The following SHISA9 variants were observed in gnomAD, a reference collection of about 807,000 sequenced individuals.
SHISA9 encodes shisa family member 9, also known as protein shisa-9.
Under a neutral mutation model 38.0 loss-of-function variants are expected in SHISA9, and 13 were observed. The ratio of observed to expected loss-of-function variants is 0.34; its 90% CI spans 0.22 to 0.54. The LOEUF (loss-of-function observed/expected upper bound fraction) is 0.54, where lower values mean the gene tolerates loss of function less well. SHISA9 is among the 20% of genes least tolerant of loss of function. The pLI is 0.91. For missense variants in SHISA9, 538 were observed against 575.8 expected, an observed-to-expected ratio of 0.93 and a Z score of 0.67; for synonymous variants, 275 against 242.0, an observed-to-expected ratio of 1.14 and a Z score of -1.27.
At chr16:12,945,166 C>T (rs188843115) in intron 2 of SHISA9, among the ~76,000 whole-genome samples, 1 of 152,244 alleles carries the variant, frequency 6.6e-6, no homozygotes, top group Non-Finnish European at 1.5e-5. Flanking sequence ...AGTTACCAGG[C>T]AGAGAGCCCC....
At chr16:12,947,981 G>A (rs532291978) in intron 2 of SHISA9, among the ~76,000 whole-genome samples, 253 of 152,264 alleles carry the variant, frequency 1.7e-3, no homozygotes, top group African/African-American at 5.8e-3. Flanking sequence ...ATTTGAGAAA[G>A]CATAGGGTTG....
intron 2 of SHISA9, among the ~76,000 whole-genome samples, chr16:13,144,536 T>C (rs1041840695): frequency 3.9e-5 from 6 of 152,162 alleles, no homozygotes; most frequent in African/African-American, 1.4e-4. Context: ...TTCTGAGTTC[T>C]TTGGGATCAC....
chr16:13,360,332 TG>T, the SHISA9 span, among the ~76,000 whole-genome samples: 1 of 152,206 alleles, frequency 6.6e-6, no homozygotes, highest in African/African-American at 2.4e-5. Flanking sequence ...GGGCTTGATA[TG>T]GTTTGGCTAT....
At chr16:13,299,122 T>A in the SHISA9 span, among the ~76,000 whole-genome samples, 1 of 152,212 alleles carries the variant, frequency 6.6e-6, no homozygotes, top group Non-Finnish European at 1.5e-5. Context: ...AGCTTAGATA[T>A]CCCTCTCCAC....
the SHISA9 span, among the ~76,000 whole-genome samples, chr16:13,525,759 C>T: frequency 6.6e-6 from 1 of 152,200 alleles, no homozygotes; most frequent in Non-Finnish European, 1.5e-5. Flanking sequence ...TTAAAAATTT[C>T]CATGTATCAG....
intron 2 of SHISA9, among the ~76,000 whole-genome samples, chr16:13,051,549 C>CTTT: frequency 6.6e-6 from 1 of 152,264 alleles, no homozygotes; most frequent in Admixed American, 6.5e-5. Context: ...CATCCACTTG[C>CTTT]CTTCATTTTT....
At chr16:12,967,252 G>A (rs34879047) in intron 2 of SHISA9, among the ~76,000 whole-genome samples, 28,297 of 152,100 alleles carry the variant, frequency 0.19, 3,248 homozygotes, top group Middle Eastern at 0.32. Flanking sequence ...AGTTCATGTC[G>A]TTTGTAGGGA....
intron 3 of SHISA9, among the ~76,000 whole-genome samples, chr16:13,204,061 C>T (rs1250166904): frequency 6.6e-6 from 1 of 152,160 alleles, no homozygotes; most frequent in Non-Finnish European, 1.5e-5. Context: ...ATCCTTCTAT[C>T]CATCTACCTA....
the SHISA9 span, among the ~76,000 whole-genome samples, chr16:13,295,337 T>A: frequency 6.6e-6 from 1 of 152,212 alleles, no homozygotes; most frequent in Non-Finnish European, 1.5e-5. Context: ...GAGGATTTTA[T>A]CAGCCTGAAT....
At chr16:13,527,822 G>C in the SHISA9 span, among the ~76,000 whole-genome samples, 1 of 152,104 alleles carries the variant, frequency 6.6e-6, no homozygotes, top group Non-Finnish European at 1.5e-5. Flanking sequence ...ACATTAATAT[G>C]ACCATATGTA....
chr16:12,921,485 T>C (rs2071328084), intron 2 of SHISA9, among the ~76,000 whole-genome samples: 1 of 152,158 alleles, frequency 6.6e-6, no homozygotes, highest in Non-Finnish European at 1.5e-5. Flanking sequence ...ATTTGGGAGA[T>C]TGAGCATGGC....
At chr16:13,206,810 C>T (rs978153882) in intron 3 of SHISA9, among the ~76,000 whole-genome samples, 2 of 152,172 alleles carry the variant, frequency 1.3e-5, no homozygotes, top group African/African-American at 4.8e-5. Flanking sequence ...CCTTCTATTC[C>T]ATATTGCCTG....
At chr16:13,003,444 C>G (rs752373629) in intron 2 of SHISA9, among the ~76,000 whole-genome samples, 14 of 152,172 alleles carry the variant, frequency 9.2e-5, no homozygotes, top group Non-Finnish European at 1.8e-4. Context: ...TGCTGTATTT[C>G]CAAGAATTAG....
At chr16:13,450,522 T>C in the SHISA9 span, among the ~76,000 whole-genome samples, 3 of 152,260 alleles carry the variant, frequency 2.0e-5, no homozygotes, top group Non-Finnish European at 4.4e-5. Flanking sequence ...CACCCACTGC[T>C]GTGTAGAACT....
intron 2 of SHISA9, among the ~76,000 whole-genome samples, chr16:13,153,523 A>G (rs768163205): frequency 6.6e-6 from 1 of 152,112 alleles, no homozygotes; most frequent in Non-Finnish European, 1.5e-5. Flanking sequence ...TTTCTGGAGA[A>G]CCTTGTGGTG....
At chr16:12,968,095 C>T (rs556869846) in intron 2 of SHISA9, among the ~76,000 whole-genome samples, 93 of 145,290 alleles carry the variant, frequency 6.4e-4, no homozygotes, top group African/African-American at 2.1e-3. Flanking sequence ...GAGGCTGAGG[C>T]GGGAGGATCA....
chr16:13,559,800 T>C, the SHISA9 span, among the ~76,000 whole-genome samples: 1 of 152,192 alleles, frequency 6.6e-6, no homozygotes, highest in African/African-American at 2.4e-5. Flanking sequence ...ACAGAGTGGT[T>C]GTTCAATAAA....
chr16:13,372,218 G>C, the SHISA9 span, among the ~76,000 whole-genome samples: 5 of 152,156 alleles, frequency 3.3e-5, no homozygotes, highest in South Asian at 6.2e-4. Context: ...CAGGTGGGTA[G>C]GCACACTACA....
At chr16:13,417,837 G>A in the SHISA9 span, among the ~76,000 whole-genome samples, 2 of 152,232 alleles carry the variant, frequency 1.3e-5, no homozygotes, top group South Asian at 2.1e-4. Flanking sequence ...GCATGGTGGT[G>A]ACCCTATCAA....
Sources: allele counts gnomAD v4.1 joint callset (sites outside exome capture counted in the v4.1 genomes callset), GRCh38; gene constraint gnomAD v4.1.1; transcripts MANE v1.5; gene names NCBI Gene and HGNC (gene_info 2026-07-23, HGNC 2026-07-21).